Variants in ASIC2 observed in about 807,000 individuals in gnomAD.
The protein encoded by ASIC2 is acid-sensing ion channel 2.
In ASIC2, 25 loss-of-function variants were observed where a neutral mutation model predicts 57.3. That is an observed-to-expected ratio of 0.44 (90% CI 0.32 to 0.61). ASIC2 has a LOEUF of 0.61. ASIC2 is among the 20% of genes least tolerant of loss of function. The pLI is 0.06. For synonymous variants in ASIC2, 319 were observed against 307.5 expected, an observed-to-expected ratio of 1.04 and a Z score of -0.39; for missense variants, 641 against 738.1, an observed-to-expected ratio of 0.87 and a Z score of 1.52.
chr17:33,479,189 G>C (rs1199149510), intron 1 of ASIC2, among the ~76,000 whole-genome samples: 1 of 151,964 alleles, frequency 6.6e-6, no homozygotes, highest in Non-Finnish European at 1.5e-5. Flanking sequence ...AATAGAGATG[G>C]GGTTTCTACA....
rs567814503 is a variant in ASIC2, at chr17:33,647,231, A to G, written c.555+508747T>C. The stretch of plus-strand genomic sequence containing the variant: ...ATTGGAGAAATAATCCGTTTTATAG[A>G]AATGTCAGGAGGATTAAAAGTGGTA... On this transcript the variant is annotated intron_variant, in intron 1 of 9. Transcript: ENST00000359872. Among the ~76,000 whole-genome samples the G allele has an allele frequency of 2.0e-4, 31 of 152,282 alleles. 1 individual carries two copies. In the East Asian group the frequency reaches 5.2e-3, roughly 26 times the overall value.
At chr17:33,117,520 A>G (rs1192568812) in intron 1 of ASIC2, among the ~76,000 whole-genome samples, 1 of 152,134 alleles carries the variant, frequency 6.6e-6, no homozygotes, top group Non-Finnish European at 1.5e-5. Flanking sequence ...AAGTAGAGGC[A>G]TTTTATATTC....
intron 1 of ASIC2, among the ~76,000 whole-genome samples, chr17:33,858,399 T>C (rs1914017457): frequency 6.6e-6 from 1 of 152,158 alleles, no homozygotes. Flanking sequence ...TGCAGAGAAA[T>C]GGCTAATGAA....
chr17:34,021,236 T>C (rs1373474357), intron 1 of ASIC2, among the ~76,000 whole-genome samples: 4 of 151,610 alleles, frequency 2.6e-5, no homozygotes, highest in Admixed American at 6.6e-5. Flanking sequence ...TAGAAACCTA[T>C]TGAAATAACA....
chr17:33,261,408 A>C (rs998416661), intron 1 of ASIC2, among the ~76,000 whole-genome samples: 4 of 152,128 alleles, frequency 2.6e-5, no homozygotes, highest in African/African-American at 9.7e-5. Flanking sequence ...CCTTGTCCTC[A>C]TGGAGCTTCC....
At chr17:33,497,163 A>T (rs1913962525) in intron 1 of ASIC2, among the ~76,000 whole-genome samples, 1 of 152,246 alleles carries the variant, frequency 6.6e-6, no homozygotes, top group African/African-American at 2.4e-5. Context: ...TCTCCACAGC[A>T]TCCATGTCCC....
intron 1 of ASIC2, chr17:33,935,568 A>G (rs1473854881): frequency 6.6e-6 from 1 of 152,240 alleles, no homozygotes; most frequent in Non-Finnish European, 1.5e-5. Context: ...ATTACCATCC[A>G]TGGTGCCAAG....
At chr17:33,349,345 T>C (rs17836785) in intron 1 of ASIC2, among the ~76,000 whole-genome samples, 44,417 of 152,172 alleles carry the variant, frequency 0.29, 7,227 homozygotes, top group East Asian at 0.49. Context: ...TGATTTCTGA[T>C]GGAGAGGAAT....
At chr17:33,683,551 A>T (rs1908078377) in intron 1 of ASIC2, among the ~76,000 whole-genome samples, 1 of 151,866 alleles carries the variant, frequency 6.6e-6, no homozygotes, top group African/African-American at 2.4e-5. Flanking sequence ...TTTTTTTAAA[A>T]ATCTTGTAGA....
intron 1 of ASIC2, among the ~76,000 whole-genome samples, chr17:33,355,836 C>T (rs573611986): frequency 1.6e-4 from 25 of 152,210 alleles, no homozygotes; most frequent in Admixed American, 9.8e-4. Flanking sequence ...CAGCTGTGAA[C>T]GAGGCAAAGT....
chr17:33,672,206 A>C (rs1907659424), intron 1 of ASIC2, among the ~76,000 whole-genome samples: 8 of 152,206 alleles, frequency 5.3e-5, no homozygotes. Context: ...AATTACAGAC[A>C]GACAGCTTTT....
intron 1 of ASIC2, among the ~76,000 whole-genome samples, chr17:33,948,052 C>T (rs1904440511): frequency 6.6e-6 from 1 of 152,114 alleles, no homozygotes; most frequent in Non-Finnish European, 1.5e-5. Flanking sequence ...AATCTTGAAG[C>T]CTGTAAGTGG....
At chr17:33,160,810 G>T (rs941363644) in intron 1 of ASIC2, among the ~76,000 whole-genome samples, 1 of 152,048 alleles carries the variant, frequency 6.6e-6, no homozygotes, top group Non-Finnish European at 1.5e-5. Flanking sequence ...GTTCATGGCG[G>T]GGGGAGAGGC....
chr17:34,017,722 C>T (rs1363218704), intron 1 of ASIC2, among the ~76,000 whole-genome samples: 2 of 152,212 alleles, frequency 1.3e-5, no homozygotes, highest in African/African-American at 4.8e-5. Context: ...AAACCAGTAA[C>T]AGCATTCCCT....
intron 1 of ASIC2, among the ~76,000 whole-genome samples, chr17:33,894,161 G>C (rs916592658): frequency 2.6e-5 from 4 of 152,172 alleles, no homozygotes; most frequent in African/African-American, 9.7e-5. Flanking sequence ...AACCCCCTTA[G>C]GGGGTGGAGA....
intron 1 of ASIC2, among the ~76,000 whole-genome samples, chr17:33,284,347 G>A (rs1050667210): frequency 6.6e-6 from 1 of 152,190 alleles, no homozygotes; most frequent in Non-Finnish European, 1.5e-5. Context: ...TGAAAATAGT[G>A]ATTTAGTTGA....
chr17:33,774,642 C>A (rs1412656425), intron 1 of ASIC2, among the ~76,000 whole-genome samples: 1 of 152,172 alleles, frequency 6.6e-6, no homozygotes, highest in African/African-American at 2.4e-5. Flanking sequence ...TCCCATTGAC[C>A]AAAATTGTAT....
At chr17:33,124,503 T>A (rs1597589862) in intron 1 of ASIC2, among the ~76,000 whole-genome samples, 3 of 152,186 alleles carry the variant, frequency 2.0e-5, no homozygotes, top group Admixed American at 2.0e-4. Context: ...TCCTTTGGAG[T>A]TGGCAAGTTA....
intron 1 of ASIC2, among the ~76,000 whole-genome samples, chr17:33,430,620 T>A (rs537958863): frequency 6.6e-6 from 1 of 152,200 alleles, no homozygotes; most frequent in East Asian, 1.9e-4. Context: ...CCATGGTCCA[T>A]CTAATTGTGA....
Sources: gnomAD v4.1 joint callset for allele counts (sites outside exome capture counted in the v4.1 genomes callset) on GRCh38, gnomAD v4.1.1 for gene constraint, MANE v1.5 for transcripts, NCBI Gene and HGNC (gene_info 2026-07-23, HGNC 2026-07-21) for gene names.